Variants in LGI2 observed in about 807,000 individuals in gnomAD.
LGI2 encodes the protein leucine-rich repeat LGI family member 2.
A neutral mutation model predicts 52.0 loss-of-function variants in LGI2; 30 were observed. The observed-to-expected ratio is 0.58, with a 90% CI of 0.43 to 0.78. The LOEUF is 0.78. Ranked by LOEUF, LGI2 falls within the 30% of genes least tolerant of loss-of-function variation. LGI2 has a pLI of 0.00. For missense variants in LGI2, 573 were observed against 692.5 expected, an observed-to-expected ratio of 0.83 and a Z score of 1.94; for synonymous variants, 270 against 271.8, an observed-to-expected ratio of 0.99 and a Z score of 0.06.
chr4:25,009,935 G>C (rs575185335), intron 7 of LGI2, among the ~76,000 whole-genome samples: 2 of 152,118 alleles, frequency 1.3e-5, no homozygotes, highest in Non-Finnish European at 2.9e-5. Flanking sequence ...CGCCTGGCCA[G>C]AGTTTTATCT....
Position 25,003,354 on chromosome 4 carries a change from G to A in LGI2, c.*97C>T. The A allele has an allele frequency of 1.2e-6, 1 of 846,568 alleles. No individual in the cohort carries two copies. The highest frequency in any genetic ancestry group is 1.8e-6 in the Non-Finnish European group (1 of 555,050). 52.4% of individuals were successfully genotyped at this position (846,568 alleles called of 1,614,324 possible). ...ACTATTTCAGTGCTTTTTAATTTCA[G>A]AGCTCTGAGCCTGGCTTTGATTTGT... On this transcript the variant is annotated 3_prime_UTR_variant, in exon 8 of 8. Transcript: ENST00000382114.
At position 25,017,869 on chromosome 4, in the gene LGI2, C is replaced by T. The variant is rs548456962; in HGVS notation, c.655+120G>A. The T allele has an allele frequency of 1.5e-4, 134 of 919,220 alleles. 1 individual carries two copies. In the South Asian group the frequency reaches 5.0e-3, roughly 34 times the overall value. 56.9% of individuals were successfully genotyped at this position (919,220 alleles called of 1,614,324 possible). The stretch of plus-strand genomic sequence containing the variant: ...TTTCTTTAGAATGTTTAAAATTTCT[C>T]TAAAACAATTTTGATAAACAGTTCT... On this transcript the variant is annotated intron_variant, in intron 6 of 7. Coordinates refer to ENST00000382114, the MANE Select transcript of LGI2 (RefSeq NM_018176.4).
chr4:24,995,619 CA>C (rs1725049795), downstream of LGI2, among the ~76,000 whole-genome samples: 1 of 152,112 alleles, frequency 6.6e-6, no homozygotes, highest in Admixed American at 6.5e-5. Flanking sequence ...GTGAGCAGTC[CA>C]AGACCTATTC....
chr4:25,028,711 C>A, intron 1 of LGI2, 133 bp from the exon 2 acceptor site: 1 of 706,984 alleles, frequency 1.4e-6, no homozygotes, highest in Non-Finnish European at 2.5e-6. Context: ...CACAGTTGCC[C>A]AGGATCTTCC....
chr4:25,003,587 T>A lies in LGI2; in HGVS notation c.1502A>T (p.Lys501Met). ...QWDKEKQLFK[K>M]FKEIYVQAPR... ...CGCCTGCACGTAAATCTCCTTAAAC[T>A]TTTTGAATAGCTGCTTCTCTTTATC... The change falls in exon 8 of 8, where the codon AAG (lysine) becomes ATG (methionine). Residue 501 changes from lysine (K) to methionine (M), a missense_variant. By Grantham distance (95) the Lys-to-Met change is moderately conservative (BLOSUM62 -1). Coordinates refer to ENST00000382114, the MANE Select transcript of LGI2 (RefSeq NM_018176.4). 1 of 1,614,186 alleles carries A rather than the reference T, an allele frequency of 6.2e-7. No homozygotes were observed. Among genetic ancestry groups the A allele is most frequent in the Non-Finnish European group, 8.5e-7 (1 of 1,180,020 alleles).
chr4:25,015,634 G>A (rs1725733238), intron 6 of LGI2, among the ~76,000 whole-genome samples: 1 of 152,176 alleles, frequency 6.6e-6, no homozygotes, highest in African/African-American at 2.4e-5. Flanking sequence ...CCTTTGGCAA[G>A]AATACGATCA....
chr4:25,028,933 T>C (rs1412088538), intron 1 of LGI2, among the ~76,000 whole-genome samples: 2 of 152,208 alleles, frequency 1.3e-5, no homozygotes, highest in Non-Finnish European at 2.9e-5. Flanking sequence ...ATTCTGTTTG[T>C]GTAGACACAG....
At chr4:25,021,946 A>C (rs1725976774) in intron 4 of LGI2, among the ~76,000 whole-genome samples, 1 of 151,714 alleles carries the variant, frequency 6.6e-6, no homozygotes. Context: ...AAAAAAAAAA[A>C]AAACAAAGCC....
At chr4:25,018,268 A>T in intron 5 of LGI2, 110 bp from the exon 6 acceptor site, 3 of 723,788 alleles carry the variant, frequency 4.1e-6, no homozygotes, top group South Asian at 2.5e-5. Context: ...TATATTTAAA[A>T]CCCCCTAAAA....
At chr4:25,026,721 A>C in intron 3 of LGI2, 147 bp downstream of exon 3, 1 of 655,742 alleles carries the variant, frequency 1.5e-6, no homozygotes. Context: ...GTAAACTATA[A>C]AAGGTCAGTG....
chr4:25,004,309 A>G lies in LGI2; in HGVS notation c.821-41T>C. ...AAGGAGAGGACATTAGTGCAACTAC[A>G]GCTAAAAACGCATCTCCGCTTGTAC... is the stretch of plus-strand genomic sequence containing the variant. On this transcript the variant is annotated intron_variant, in intron 7 of 7. Coordinates refer to ENST00000382114, the MANE Select transcript of LGI2 (RefSeq NM_018176.4). This position sits in a 1 kb window ranked among gnomAD's most constrained non-coding sequence, Gnocchi z 4.6. 6.5e-7 allele frequency: 1 copy of G among 1,543,432 alleles called. No individual in the cohort carries two copies. The highest frequency in any genetic ancestry group is 8.8e-7 in the Non-Finnish European group (1 of 1,140,948).
chr4:25,004,468 T>C lies in LGI2; in HGVS notation c.821-200A>G, dbSNP rs1207578922. ...ACTTCTTTGTATATACCCAAAATAA[T>C]TGAAAGCAGTGACTCAAAGAGATAT... On this transcript the variant is annotated intron_variant, in intron 7 of 7. Transcript: ENST00000382114. This position sits in a 1 kb window ranked among gnomAD's most constrained non-coding sequence, Gnocchi z 4.6. Among the ~76,000 whole-genome samples, 1 of 152,184 alleles carries C rather than the reference T, an allele frequency of 6.6e-6. No homozygotes were observed. Among genetic ancestry groups the C allele is most frequent in the African/African-American group, 2.4e-5 (1 of 41,442 alleles).
chr4:25,013,451 C>T (rs1163889085), intron 6 of LGI2, among the ~76,000 whole-genome samples: 1 of 152,166 alleles, frequency 6.6e-6, no homozygotes. Context: ...GGTACCTTCC[C>T]ATCCCCAAGT....
chr4:25,025,559 A>G (rs185501823), intron 3 of LGI2, among the ~76,000 whole-genome samples: 1 of 152,324 alleles, frequency 6.6e-6, no homozygotes, highest in Admixed American at 6.5e-5. Flanking sequence ...GGGATCTTGC[A>G]ATAATACCAC....
At chr4:25,022,665 A>G (rs1434275180) in intron 4 of LGI2, among the ~76,000 whole-genome samples, 1 of 152,334 alleles carries the variant, frequency 6.6e-6, no homozygotes, top group East Asian at 1.9e-4. Context: ...ACAGGAACAC[A>G]GTTATGTACA....
chr4:25,029,990 T>C (rs923043500), intron 1 of LGI2, among the ~76,000 whole-genome samples: 10 of 152,130 alleles, frequency 6.6e-5, no homozygotes, highest in Non-Finnish European at 1.5e-4. Flanking sequence ...GCCCCAGACC[T>C]GATGTGGGGC....
Position 25,003,913 on chromosome 4 carries a change from G to A in LGI2, c.1176C>T (p.Arg392=). The change falls in exon 8 of 8, where the codon CGC becomes CGT. Residue 392 remains arginine, a synonymous_variant. Coordinates refer to ENST00000382114, the MANE Select transcript of LGI2 (RefSeq NM_018176.4). ...DGKSHLILSS[R]SQVPIILQWN... is the part of the protein sequence containing the mutation. ...ACTGGAGGATGATGGGGACCTGGGA[G>A]CGGCTGGACAGGATGAGATGCGATT... The A allele has an allele frequency of 6.2e-7, 1 of 1,614,192 alleles. No individual in the cohort carries two copies. Among genetic ancestry groups the A allele is most frequent in the South Asian group, 1.1e-5 (1 of 91,084 alleles).
rs772839657 is a variant in LGI2 at position 25,019,252 on chromosome 4, G to A, written c.414-14C>T. On this transcript the variant is annotated splice_polypyrimidine_tract_variant and intron_variant, in intron 4 of 7. Transcript: ENST00000382114. ...TTGGCCAAAGAACTAGAACAAGAAA[G>A]TCACATTGCAATGTGATTATTATCT... The A allele has an allele frequency of 5.7e-6, 9 of 1,569,996 alleles. No homozygotes were observed. The East Asian group carries it at 1.6e-4, about 27-fold the overall frequency.
At position 25,017,541 on chromosome 4, in the gene LGI2, C is replaced by CAAAAAAAA. The variant is rs66740392; in HGVS notation, c.655+440_655+447dup. Among the ~76,000 whole-genome samples, 471 of 53,250 alleles carry CAAAAAAAA rather than the reference C, an allele frequency of 8.8e-3. 21 individuals carry two copies. Among genetic ancestry groups the CAAAAAAAA allele is most frequent in the African/African-American group, 0.036 (451 of 12,426 alleles). The allele number at this position is 53,250 out of a possible 152,430, so 34.9% of individuals were successfully genotyped here. On this transcript the variant is annotated intron_variant, in intron 6 of 7. Transcript: ENST00000382114. Reference sequence around the variant, plus strand: ...TGGGCGACAGAGTAAGACTCTGCCTCAAAAAAAAAAAAAAAAAAAAAAAAA... The same window carrying CAAAAAAAA: ...TGGGCGACAGAGTAAGACTCTGCCTCAAAAAAAAAAAAAAAAAAAAAAAAAAAAAAAAA...
Sources: allele counts gnomAD v4.1 joint callset (sites outside exome capture counted in the v4.1 genomes callset), GRCh38; gene constraint gnomAD v4.1.1; non-coding constraint Gnocchi (gnomAD v3.1); transcripts MANE v1.5; gene names NCBI Gene and HGNC (gene_info 2026-07-23, HGNC 2026-07-21).